Variants in DYNC1H1 observed in about 807,000 individuals in gnomAD.
DYNC1H1 encodes the protein dynein cytoplasmic 1 heavy chain 1, also known as cytoplasmic dynein 1 heavy chain 1.
A neutral mutation model predicts 527.1 loss-of-function variants in DYNC1H1; 51 were observed. The ratio of observed to expected loss-of-function variants is 0.10; its 90% CI spans 0.08 to 0.12. The LOEUF (loss-of-function observed/expected upper bound fraction) is 0.12. Ranked by LOEUF, DYNC1H1 falls within the 10% of genes least tolerant of loss-of-function variation. The pLI is 1.00. For synonymous variants in DYNC1H1, 2,189 were observed against 2,278.8 expected (o/e 0.96, Z 1.12); for missense variants, 2,771 against 5,971.8 (o/e 0.46, Z 17.66).
At position 102,012,216 on chromosome 14, in the gene DYNC1H1, G is replaced by T; in HGVS notation, c.6858-98G>T. 1 of 1,612,180 alleles carries T rather than the reference G, an allele frequency of 6.2e-7. No homozygotes were observed. Among genetic ancestry groups the T allele is most frequent in the Non-Finnish European group, 8.5e-7 (1 of 1,178,576 alleles). On this transcript the variant is annotated intron_variant, in intron 33 of 77. Coordinates refer to ENST00000360184, the MANE Select transcript of DYNC1H1 (RefSeq NM_001376.5). This position sits in a 1 kb window ranked among gnomAD's most constrained non-coding sequence, Gnocchi z 4.9. The stretch of plus-strand genomic sequence containing the variant: ...ACGTTATTTTTCAACCAAAGTCTGA[G>T]CAAATTAAAGGTCATTTCAGAAACC...
At position 102,001,882 on chromosome 14, in the gene DYNC1H1, T is replaced by A. The variant is rs886588153; in HGVS notation, c.4542+201T>A. ...CTTGACTTCCTGGGCTCAAGTGATC[T>A]TCCCACCTCAGCCTCCAGGTAGCTG... On this transcript the variant is annotated intron_variant, in intron 21 of 77. Transcript: ENST00000360184. The surrounding 1 kb of genome is among the most constrained non-coding windows in gnomAD (Gnocchi z 5.0). 1.2e-4 allele frequency among the ~76,000 whole-genome samples: 18 copies of A among 152,122 alleles called. No homozygotes were observed. Among genetic ancestry groups the A allele is most frequent in the African/African-American group, 3.4e-4 (14 of 41,432 alleles).
Position 101,965,141 on chromosome 14 carries a change from G to A in DYNC1H1, c.256+194G>A, listed in dbSNP as rs1412327262. Among the ~76,000 whole-genome samples, 1 of 151,856 alleles carries A rather than the reference G, an allele frequency of 6.6e-6. No individual in the cohort carries two copies. The highest frequency in any genetic ancestry group is 1.5e-5 in the Non-Finnish European group (1 of 67,932). On this transcript the variant is annotated intron_variant, in intron 1 of 77. Transcript: ENST00000360184. The surrounding 1 kb of genome is among the most constrained non-coding windows in gnomAD (Gnocchi z 4.1). ...CCCAGGGCCGCAGACGCCCCGCAGA[G>A]GCCGGCGCGGCGCCCGGGGCTCGCC...
chr14:101,983,189 C>G lies in DYNC1H1; in HGVS notation c.1132C>G (p.Leu378Val). 1 of 1,614,174 alleles carries G rather than the reference C, an allele frequency of 6.2e-7. No individual in the cohort carries two copies. The highest frequency in any genetic ancestry group is 8.5e-7 in the Non-Finnish European group (1 of 1,180,038). The change falls in exon 6 of 78, where the codon CTG (leucine) becomes GTG (valine). Residue 378 changes from leucine to valine, a missense_variant. Coordinates refer to ENST00000360184, the MANE Select transcript of DYNC1H1 (RefSeq NM_001376.5). This position sits in a 1 kb window ranked among gnomAD's most constrained non-coding sequence, Gnocchi z 5.3. Reference sequence around the variant, plus strand: ...CACAAAATATCCTATTCAGAGGGCACTGCGTTTGGTGGAGGCAATTTCAAG... The same window carrying G: ...CACAAAATATCCTATTCAGAGGGCAGTGCGTTTGGTGGAGGCAATTTCAAG... The part of the protein sequence containing the change: ...RNTKYPIQRA[L>V]RLVEAISRDL...
intron 1 of DYNC1H1, among the ~76,000 whole-genome samples, chr14:101,967,843 AG>A (rs2047684942): frequency 6.6e-6 from 1 of 152,236 alleles, no homozygotes; most frequent in Non-Finnish European, 1.5e-5. Flanking sequence ...AATCAAGTAC[AG>A]CATTACTCAA....
In DYNC1H1 at chr14:101,986,950, G is replaced by A. The variant is rs2047944388; in HGVS notation, c.2538+187G>A. The stretch of plus-strand genomic sequence containing the variant: ...ATTTAATGGTGCTGGGTTTTAGGGA[G>A]GCCATTAAGTAACAACCTGAGTTTA... On this transcript the variant is annotated intron_variant, in intron 8 of 77. Coordinates refer to ENST00000360184, the MANE Select transcript of DYNC1H1 (RefSeq NM_001376.5). This position sits in a 1 kb window ranked among gnomAD's most constrained non-coding sequence, Gnocchi z 8.7. Among the ~76,000 whole-genome samples the A allele has an allele frequency of 2.6e-5, 4 of 152,328 alleles. No homozygotes were observed. The highest frequency in any genetic ancestry group is 4.1e-4 in the South Asian group (2 of 4,830).
At chr14:102,009,779 T>C (rs2048237878) in intron 29 of DYNC1H1, 64 bp from the exon 30 acceptor site, 26 of 1,610,942 alleles carry the variant, frequency 1.6e-5, no homozygotes, top group Non-Finnish European at 2.2e-5. Context: ...TAGAGACATT[T>C]TAGAATGCAT....
chr14:101,998,883 T>TTTTTTTGTTTTTTTTTTTTG (rs2048097030), intron 16 of DYNC1H1, among the ~76,000 whole-genome samples: 1 of 141,640 alleles, frequency 7.1e-6, no homozygotes, highest in African/African-American at 2.9e-5. Flanking sequence ...CTTTTTCTTT[T>TTTTTTTGTTTTTTTTTTTTG]TTTTTTTTTT....
Position 102,042,635 on chromosome 14 carries a change from G to A in DYNC1H1, c.12400G>A (p.Val4134Met). The A allele has an allele frequency of 6.2e-7, 1 of 1,614,132 alleles. No homozygotes were observed. Among genetic ancestry groups the A allele is most frequent in the Non-Finnish European group, 8.5e-7 (1 of 1,180,018 alleles). Reference sequence around the variant, plus strand: ...TAACTGGAACGGCGCTCTCCCTTAGGTGCCTGTGAATCTGCTCCGTGCGGG... The same window carrying A: ...TAACTGGAACGGCGCTCTCCCTTAGATGCCTGTGAATCTGCTCCGTGCGGG... ...LFLTMEINPK[V>M]PVNLLRAGRI... is the part of the protein sequence containing the mutation. Residue 4134 changes from valine to methionine, a missense_variant and splice_region_variant, in exon 69 of 78, where the codon GTG becomes ATG. Val to Met is a conservative substitution (Grantham distance 21, BLOSUM62 1). Coordinates refer to ENST00000360184, the MANE Select transcript of DYNC1H1 (RefSeq NM_001376.5). The surrounding 1 kb of genome is among the most constrained non-coding windows in gnomAD (Gnocchi z 5.7).
In DYNC1H1 at chr14:102,012,532, G is replaced by T; in HGVS notation, c.7014+62G>T. The T allele has an allele frequency of 6.2e-7, 1 of 1,609,416 alleles. No individual in the cohort carries two copies. The highest frequency in any genetic ancestry group is 8.5e-7 in the Non-Finnish European group (1 of 1,176,496). ...CCTTTTGGCCAACTAAACTTCGTGT[G>T]CTAGCTAAGTGCAGCTCTGGAGTCA... On this transcript the variant is annotated intron_variant, in intron 34 of 77. Coordinates refer to ENST00000360184, the MANE Select transcript of DYNC1H1 (RefSeq NM_001376.5). This position sits in a 1 kb window ranked among gnomAD's most constrained non-coding sequence, Gnocchi z 4.9.
Position 102,039,345 on chromosome 14 carries a change from T to C in DYNC1H1, c.11461-67T>C, listed in dbSNP as rs2048615975. On this transcript the variant is annotated intron_variant, in intron 60 of 77. Transcript: ENST00000360184. The surrounding 1 kb of genome is among the most constrained non-coding windows in gnomAD (Gnocchi z 7.0). The stretch of plus-strand genomic sequence containing the variant: ...TGGCGGGCCCTGCACAGTAGCTCCT[T>C]GGCCACGCAGAAGTTCAGCGGGGTG... The C allele has an allele frequency of 6.8e-6, 11 of 1,613,032 alleles. No individual in the cohort carries two copies. The highest frequency in any genetic ancestry group is 1.7e-4 in the Middle Eastern group (1 of 5,770).
At chr14:101,970,426 C>T (rs2047719784) in intron 1 of DYNC1H1, among the ~76,000 whole-genome samples, 1 of 150,486 alleles carries the variant, frequency 6.6e-6, no homozygotes, top group Non-Finnish European at 1.5e-5. Context: ...TAGTGATTGA[C>T]CACCAGAATA....
In DYNC1H1 at chr14:102,002,203, C is replaced by T. The variant is rs144721679; in HGVS notation, c.4543-334C>T. On this transcript the variant is annotated intron_variant, in intron 21 of 77. Transcript: ENST00000360184. The surrounding 1 kb of genome is among the most constrained non-coding windows in gnomAD (Gnocchi z 4.4). ...TCGGCTCACTGCAACCTCTGCCTCC[C>T]GGGTTGAAGTGATTCTCCCGCCTCA... 0.015 allele frequency among the ~76,000 whole-genome samples: 2,274 copies of T among 151,956 alleles called. 35 individuals carry two copies. The highest frequency in any genetic ancestry group is 0.037 in the Middle Eastern group (11 of 294).
chr14:102,029,749 T>A lies in DYNC1H1; in HGVS notation c.9642+37T>A. ...GCACAAATTCCTCACGGGAGTGAGC[T>A]GCAGTGAGGACCCCTTTCCATATAA... On this transcript the variant is annotated intron_variant, in intron 49 of 77. Coordinates refer to ENST00000360184, the MANE Select transcript of DYNC1H1 (RefSeq NM_001376.5). This position sits in a 1 kb window ranked among gnomAD's most constrained non-coding sequence, Gnocchi z 5.3. 6.2e-7 allele frequency: 1 copy of A among 1,614,200 alleles called. No individual in the cohort carries two copies. Among genetic ancestry groups the A allele is most frequent in the Non-Finnish European group, 8.5e-7 (1 of 1,180,038 alleles).
In DYNC1H1 at chr14:102,052,662, C is replaced by G. The variant is rs924516786; in HGVS notation, c.*2099C>G. The G allele has an allele frequency of 9.8e-5, 15 of 152,316 alleles. No homozygotes were observed. Among genetic ancestry groups the G allele is most frequent in the African/African-American group, 3.6e-4 (15 of 41,570 alleles). 9.4% of individuals were successfully genotyped at this position (152,316 alleles called of 1,614,324 possible). A position where few individuals can be genotyped will look rare whatever the true frequency, so the allele number is the denominator to read the frequency against. ...AAACCTAGGTGGTGGCCATGCCCCTCGAGCTCTGCTTGGCACGTGTCTGCC... is the reference window on the plus strand; with the variant it reads ...AAACCTAGGTGGTGGCCATGCCCCTGGAGCTCTGCTTGGCACGTGTCTGCC... On this transcript the variant is annotated 3_prime_UTR_variant, in exon 78 of 78. Transcript: ENST00000360184.
chr14:101,983,294 A>G lies in DYNC1H1; in HGVS notation c.1233+4A>G. ...TGCTTATGAAGAATTTGAAAAAGTA[A>G]GTTTGAATATATAAGACAACCAACC... On this transcript the variant is annotated splice_donor_region_variant and intron_variant, in intron 6 of 77. Coordinates refer to ENST00000360184, the MANE Select transcript of DYNC1H1 (RefSeq NM_001376.5). This position sits in a 1 kb window ranked among gnomAD's most constrained non-coding sequence, Gnocchi z 5.3. The G allele has an allele frequency of 6.2e-7, 1 of 1,614,270 alleles. No homozygotes were observed. The highest frequency in any genetic ancestry group is 8.5e-7 in the Non-Finnish European group (1 of 1,180,050).
In DYNC1H1 at chr14:101,986,596, A is replaced by C; in HGVS notation, c.2371A>C (p.Thr791Pro). The C allele has an allele frequency of 6.2e-7, 1 of 1,613,394 alleles. No individual in the cohort carries two copies. The highest frequency in any genetic ancestry group is 8.5e-7 in the Non-Finnish European group (1 of 1,179,436). ...CGAGAGCGTTCGTACCTATGAACGG[A>C]CCTGCGAGAAGGTGGAGGAGCGGAA... ...LIESVRTYER[T>P]CEKVEERNTI... The change falls in exon 8 of 78, where the codon ACC (threonine) becomes CCC (proline). Residue 791 changes from threonine to proline, a missense_variant. This residue lies in a region of DYNC1H1 where 264 missense variants were observed against 619.4 expected (regional missense o/e 0.43). Transcript: ENST00000360184. This position sits in a 1 kb window ranked among gnomAD's most constrained non-coding sequence, Gnocchi z 8.7.
chr14:101,969,855 T>C (rs2141262576), intron 1 of DYNC1H1, among the ~76,000 whole-genome samples: 1 of 152,334 alleles, frequency 6.6e-6, no homozygotes, highest in Non-Finnish European at 1.5e-5. Context: ...AAATTGCGTG[T>C]CAGCATCGGA....
intron 1 of DYNC1H1, among the ~76,000 whole-genome samples, chr14:101,969,177 C>T (rs1336478113): frequency 6.9e-6 from 1 of 145,614 alleles, no homozygotes; most frequent in African/African-American, 2.7e-5. Flanking sequence ...GCCACCACAC[C>T]TGGTTAATTT....
Position 101,985,631 on chromosome 14 carries a change from A to G in DYNC1H1, c.1462-56A>G. The G allele has an allele frequency of 6.3e-7, 1 of 1,599,182 alleles. No homozygotes were observed. Among genetic ancestry groups the G allele is most frequent in the Non-Finnish European group, 8.6e-7 (1 of 1,166,656 alleles). On this transcript the variant is annotated intron_variant, in intron 7 of 77. Coordinates refer to ENST00000360184, the MANE Select transcript of DYNC1H1 (RefSeq NM_001376.5). The surrounding 1 kb of genome is among the most constrained non-coding windows in gnomAD (Gnocchi z 5.9). ...GAGCCACTGCACCCGGCTTAAAATA[A>G]ATTTTAAAGCCTTCGTTTGGTCAGC...
Sources: gnomAD v4.1 joint callset for allele counts (sites outside exome capture counted in the v4.1 genomes callset) on GRCh38, gnomAD v4.1.1 for gene constraint, gnomAD v4.1.1 regional missense constraint, Gnocchi (gnomAD v3.1) non-coding constraint, MANE v1.5 for transcripts, NCBI Gene and HGNC (gene_info 2026-07-23, HGNC 2026-07-21) for gene names.